The following DCHS2 variants were observed in gnomAD, a reference collection of about 807,000 sequenced individuals.
The protein encoded by DCHS2 is dachsous cadherin-related 2, also known as protocadherin-23.
DCHS2 carries 142 observed loss-of-function variants against 182.4 expected under a neutral mutation model. That is an observed-to-expected ratio of 0.78 (90% CI 0.68 to 0.89). DCHS2 has a LOEUF of 0.89. DCHS2 is among the 40% of genes least tolerant of loss of function. The probability of loss-of-function intolerance (pLI) is 0.00; values close to 1 mark genes in which losing one functional copy is unlikely to be tolerated. For missense variants in DCHS2, 4,319 were observed against 4,198.6 expected, an observed-to-expected ratio of 1.03 and a Z score of -0.79; for synonymous variants, 1,740 against 1,663.3, an observed-to-expected ratio of 1.05 and a Z score of -1.12.
chr4:154,369,233 C>T (rs184485477), intron 2 of DCHS2, among the ~76,000 whole-genome samples: 1 of 152,200 alleles, frequency 6.6e-6, no homozygotes, highest in East Asian at 1.9e-4. Context: ...TAGAGAACTT[C>T]CTCAGACAAA....
intron 9 of DCHS2, among the ~76,000 whole-genome samples, chr4:154,317,216 T>C (rs1044181941): frequency 6.6e-6 from 1 of 152,214 alleles, no homozygotes; most frequent in African/African-American, 2.4e-5. Context: ...TCACTGCAAT[T>C]ACTCAAGAGA....
At chr4:154,373,087 G>A (rs776294132) in intron 2 of DCHS2, among the ~76,000 whole-genome samples, 5 of 152,156 alleles carry the variant, frequency 3.3e-5, no homozygotes, top group Non-Finnish European at 5.9e-5. Context: ...TTCTGTCAAG[G>A]TTCAGTTTAT....
intron 1 of DCHS2, among the ~76,000 whole-genome samples, chr4:154,478,405 G>T (rs1460833238): frequency 6.6e-6 from 1 of 152,174 alleles, no homozygotes; most frequent in East Asian, 1.9e-4. Flanking sequence ...ACCTTCTAGG[G>T]GTGAGTAAAA....
chr4:154,405,643 T>C (rs1732369852), intron 1 of DCHS2, among the ~76,000 whole-genome samples: 1 of 152,190 alleles, frequency 6.6e-6, no homozygotes, highest in African/African-American at 2.4e-5. Flanking sequence ...CATTTCTGAA[T>C]TTCCTTAGCT....
intron 1 of DCHS2, among the ~76,000 whole-genome samples, chr4:154,482,034 C>A (rs566290115): frequency 6.6e-6 from 1 of 152,210 alleles, no homozygotes; most frequent in South Asian, 2.1e-4. Context: ...ACAGCCTGGG[C>A]TGTTTAAAAG....
chr4:154,390,604 C>T (rs991366396), intron 1 of DCHS2, among the ~76,000 whole-genome samples: 7 of 152,070 alleles, frequency 4.6e-5, no homozygotes, highest in East Asian at 3.9e-4. Flanking sequence ...CAAGTTATGA[C>T]GCCTACTTTC....
intron 1 of DCHS2, among the ~76,000 whole-genome samples, chr4:154,475,158 A>G (rs1331597808): frequency 6.6e-6 from 1 of 152,178 alleles, no homozygotes; most frequent in Non-Finnish European, 1.5e-5. Flanking sequence ...AATTTTTTAT[A>G]CATATCAAAG....
intron 3 of DCHS2, among the ~76,000 whole-genome samples, chr4:154,365,903 C>T (rs1427439328): frequency 6.6e-6 from 1 of 151,876 alleles, no homozygotes; most frequent in Non-Finnish European, 1.5e-5. Context: ...CCACCTCGGC[C>T]CCCCAAAGTG....
intron 18 of DCHS2, 106 bp from the exon 19 acceptor site, chr4:154,239,408 C>T: frequency 6.6e-7 from 1 of 1,511,246 alleles, no homozygotes; most frequent in Non-Finnish European, 8.9e-7. Flanking sequence ...ATTATGGAAA[C>T]CATACAATAC....
At chr4:154,452,184 A>G (rs1386426172) in intron 1 of DCHS2, among the ~76,000 whole-genome samples, 1 of 152,176 alleles carries the variant, frequency 6.6e-6, no homozygotes, top group Admixed American at 6.5e-5. Flanking sequence ...GCTTGATACT[A>G]TAGTTCCACA....
chr4:154,270,079 A>G, intron 13 of DCHS2, 66 bp from the exon 14 acceptor site: 11 of 1,514,504 alleles, frequency 7.3e-6, no homozygotes, highest in Non-Finnish European at 9.8e-6. Flanking sequence ...CACAAGAGAA[A>G]ATACTGATTA....
At chr4:154,276,298 G>A (rs562671094) in intron 13 of DCHS2, among the ~76,000 whole-genome samples, 23 of 152,096 alleles carry the variant, frequency 1.5e-4, no homozygotes, top group Admixed American at 3.9e-4. Flanking sequence ...GTCTGACACC[G>A]TATTTAAAAA....
chr4:154,390,340 C>T (rs1041516257), intron 1 of DCHS2, among the ~76,000 whole-genome samples: 5 of 145,424 alleles, frequency 3.4e-5, no homozygotes, highest in African/African-American at 5.1e-5. Context: ...TGTTCAATTC[C>T]CACCTATGAG....
intron 12 of DCHS2, among the ~76,000 whole-genome samples, chr4:154,300,476 C>T (rs1339773230): frequency 6.9e-6 from 1 of 144,760 alleles, no homozygotes; most frequent in East Asian, 2.0e-4. Context: ...GAATTTGAGT[C>T]CAGCCTGGGC....
At chr4:154,308,713 CATT>C (rs1735552049) in intron 10 of DCHS2, among the ~76,000 whole-genome samples, 1 of 152,132 alleles carries the variant, frequency 6.6e-6, no homozygotes, top group South Asian at 2.1e-4. Context: ...TTAATTATCT[CATT>C]GTATTAACAT....
intron 1 of DCHS2, among the ~76,000 whole-genome samples, chr4:154,434,590 A>G (rs1733695408): frequency 6.6e-6 from 1 of 152,202 alleles, no homozygotes; most frequent in Non-Finnish European, 1.5e-5. Context: ...TAAGCTGGGT[A>G]AAGGGTACAT....
At chr4:154,445,954 A>G (rs901539728) in intron 1 of DCHS2, among the ~76,000 whole-genome samples, 1 of 152,242 alleles carries the variant, frequency 6.6e-6, no homozygotes. Flanking sequence ...AATGACTTCA[A>G]AATCTCTCAG....
intron 1 of DCHS2, among the ~76,000 whole-genome samples, chr4:154,451,755 G>C (rs938870698): frequency 6.6e-6 from 1 of 152,192 alleles, no homozygotes; most frequent in Non-Finnish European, 1.5e-5. Flanking sequence ...CTTGGAAGGA[G>C]AAATGGCCAA....
chr4:154,242,581 A>G, intron 17 of DCHS2, 61 bp downstream of exon 17: 1 of 1,561,112 alleles, frequency 6.4e-7, no homozygotes. Flanking sequence ...CTGGCTAAAG[A>G]AAATGGTAAA....
Sources: allele counts gnomAD v4.1 joint callset (sites outside exome capture counted in the v4.1 genomes callset), GRCh38; gene constraint gnomAD v4.1.1; transcripts MANE v1.5; gene names NCBI Gene and HGNC (gene_info 2026-07-23, HGNC 2026-07-21).